Variants in C19orf67 observed in about 807,000 individuals in gnomAD.
C19orf67 encodes UPF0575 protein C19orf67.
Under a neutral mutation model 41.4 loss-of-function variants are expected in C19orf67, and 28 were observed. That is an observed-to-expected ratio of 0.68 (90% CI 0.50 to 0.93). C19orf67 has a LOEUF of 0.93. Ranked by LOEUF, C19orf67 falls within the 40% of genes least tolerant of loss-of-function variation. The pLI, the probability that C19orf67 is intolerant of heterozygous loss-of-function variation, is 0.00. For missense variants in C19orf67, 421 were observed against 467.0 expected, an observed-to-expected ratio of 0.90 and a Z score of 0.91; for synonymous variants, 242 against 203.4, an observed-to-expected ratio of 1.19 and a Z score of -1.62.
At position 14,085,276 on chromosome 19, in the gene C19orf67, A is replaced by AC. The variant is rs944548882; in HGVS notation, c.335+16dup. 7.8e-5 allele frequency: 119 copies of AC among 1,534,386 alleles called. 1 individual carries two copies. In the African/African-American group the frequency reaches 1.3e-3, roughly 17 times the overall value. On this transcript the variant is annotated intron_variant, in intron 1 of 5. Coordinates refer to ENST00000548523, the MANE Select transcript of C19orf67 (RefSeq NM_001277378.2). ...GTCTCCTTACCCATGGGGACCTGGG[A>AC]CCCTGTCCAGCATCACCTGTAGAGC...
Position 14,085,511 on chromosome 19 carries a change from G to A in C19orf67, c.117C>T (p.Pro39=). The A allele has an allele frequency of 6.5e-7, 1 of 1,535,416 alleles. No homozygotes were observed. Among genetic ancestry groups the A allele is most frequent in the Non-Finnish European group, 8.7e-7 (1 of 1,146,732 alleles). The change falls in exon 1 of 6, where the codon CCC becomes CCT. Residue 39 remains proline (P), a synonymous_variant. Transcript: ENST00000548523. ...PPCGDPSRST[P]PGRPGNPSEP... Reference sequence around the variant, plus strand: ...CAGATGGGTTCCCAGGCCTGCCAGGGGGCGTCGACCTGGAGGGGTCTCCGC... The same window carrying A: ...CAGATGGGTTCCCAGGCCTGCCAGGAGGCGTCGACCTGGAGGGGTCTCCGC...
intron 5 of C19orf67, 126 bp from the exon 6 acceptor site, chr19:14,082,134 C>A: frequency 1.2e-6 from 1 of 846,652 alleles, no homozygotes; most frequent in Non-Finnish European, 1.8e-6. Context: ...TGGGAAAAAC[C>A]CCCGGGGGAA....
chr19:14,084,581 C>T (rs541984200), intron 1 of C19orf67, among the ~76,000 whole-genome samples: 4 of 151,524 alleles, frequency 2.6e-5, no homozygotes, highest in Non-Finnish European at 4.4e-5. Context: ...GTCTGTAATT[C>T]CAGCACTTTG....
Position 14,085,720 on chromosome 19 carries a change from T to TGGCC in C19orf67, c.-97_-94dup, listed in dbSNP as rs976391445. On this transcript the variant is annotated 5_prime_UTR_variant, in exon 1 of 6. Transcript: ENST00000548523. ...CGACCCCGCCCCGGGAGCCTCCGAC[T>TGGCC]GGCCCCTGCCTTGACCTCTCCACCG... 1 of 931,976 alleles carries TGGCC rather than the reference T, an allele frequency of 1.1e-6. No homozygotes were observed. The highest frequency in any genetic ancestry group is 1.6e-5 in the African/African-American group (1 of 60,618). The allele number at this position is 931,976 out of a possible 1,614,324, so 57.7% of individuals were successfully genotyped here. A position where few individuals can be genotyped will look rare whatever the true frequency, so the allele number is the denominator to read the frequency against.
Position 14,085,341 on chromosome 19 carries a change from C to T in C19orf67, c.287G>A (p.Arg96His). Residue 96 changes from arginine to histidine, a missense_variant, in exon 1 of 6, where the codon CGC becomes CAC. Physicochemically the swap from Arg to His is conservative, Grantham distance 29. Around this residue, in one of 3 missense-constraint regions of C19orf67, gnomAD observed 160 missense variants for 139.2 expected, o/e 1.15. Transcript: ENST00000548523. ...ATCATCTGCCTTCTTCAGTAGGTAGCGCAGCTGTTGGGTGATGGGGCTGAA... is the reference window on the plus strand; with the variant it reads ...ATCATCTGCCTTCTTCAGTAGGTAGTGCAGCTGTTGGGTGATGGGGCTGAA... ...TLFSPITQQL[R>H]YLLKKADDFQ... 5 of 1,536,224 alleles carry T rather than the reference C, an allele frequency of 3.3e-6. No individual in the cohort carries two copies. Among genetic ancestry groups the T allele is most frequent in the Non-Finnish European group, 3.5e-6 (4 of 1,146,928 alleles).
chr19:14,084,699 ATGT>A (rs1246843199), intron 1 of C19orf67, among the ~76,000 whole-genome samples: 2 of 151,298 alleles, frequency 1.3e-5, no homozygotes, highest in Admixed American at 6.6e-5. Flanking sequence ...CGGGCAACAC[ATGT>A]TGGTGGGCGC....
chr19:14,082,198 C>T (rs1599321191), intron 5 of C19orf67, among the ~76,000 whole-genome samples, 190 bp from the exon 6 acceptor site: 3 of 152,204 alleles, frequency 2.0e-5, no homozygotes, highest in Admixed American at 2.0e-4. Context: ...GGCTGAATAA[C>T]TGGTCCTGAC....
chr19:14,083,621 G>T lies in C19orf67; in HGVS notation c.481-16C>A. On this transcript the variant is annotated splice_polypyrimidine_tract_variant and intron_variant, in intron 2 of 5. Transcript: ENST00000548523. ...TCTCTAACAGCTGCATACAAGAGGG[G>T]GGTACAGTGAGATCAGCTGGCCTGC... 2 of 1,534,986 alleles carry T rather than the reference G, an allele frequency of 1.3e-6. No homozygotes were observed. Among genetic ancestry groups the T allele is most frequent in the Non-Finnish European group, 1.7e-6 (2 of 1,146,022 alleles).
chr19:14,081,782 T>A lies in C19orf67; in HGVS notation c.*52A>T. On this transcript the variant is annotated 3_prime_UTR_variant, in exon 6 of 6. Transcript: ENST00000548523. The stretch of plus-strand genomic sequence containing the variant: ...ACGAGTGAGCCCCTCCCCTGCCCCC[T>A]ATTCTGGAGTTTGGAACTGTCAAGT... The A allele has an allele frequency of 1.5e-6, 2 of 1,303,886 alleles. No individual in the cohort carries two copies. Among genetic ancestry groups the A allele is most frequent in the Non-Finnish European group, 2.0e-6 (2 of 976,934 alleles). The allele number at this position is 1,303,886 out of a possible 1,614,324, so 80.8% of individuals were successfully genotyped here. A position where few individuals can be genotyped will look rare whatever the true frequency, so the allele number is the denominator to read the frequency against.
chr19:14,083,825 G>C lies in C19orf67; in HGVS notation c.388C>G (p.Gln130Glu), dbSNP rs1976810674. ...QLAKAMPTFLQMCEPYFLYLE... is the reference protein window; with the variant it reads ...QLAKAMPTFLEMCEPYFLYLE... ...TACAGGAAGTAGGGCTCACACATCT[G>C]TAAGAAGGTGGGCATGGCCTTGGCC... Residue 130 changes from glutamine to glutamate, a missense_variant, in exon 2 of 6, where the codon CAG becomes GAG. Around this residue, in one of 3 missense-constraint regions of C19orf67, gnomAD observed 253 missense variants for 307.0 expected, o/e 0.82. Coordinates refer to ENST00000548523, the MANE Select transcript of C19orf67 (RefSeq NM_001277378.2). 1 of 1,404,696 alleles carries C rather than the reference G, an allele frequency of 7.1e-7. No homozygotes were observed. Among genetic ancestry groups the C allele is most frequent in the Middle Eastern group, 1.9e-4 (1 of 5,394 alleles). 87.0% of individuals were successfully genotyped at this position (1,404,696 alleles called of 1,614,324 possible).
Position 14,081,743 on chromosome 19 carries a change from G to C in C19orf67, c.*91C>G. ...CTGGCCCTTTGGAAGGCGAGGCCGG[G>C]CTGCACTGCGAGAACGAGTGAGCCC... On this transcript the variant is annotated 3_prime_UTR_variant, in exon 6 of 6. Coordinates refer to ENST00000548523, the MANE Select transcript of C19orf67 (RefSeq NM_001277378.2). 8.6e-7 allele frequency: 1 copy of C among 1,167,816 alleles called. No individual in the cohort carries two copies. The highest frequency in any genetic ancestry group is 3.0e-5 in the East Asian group (1 of 33,800). 72.3% of individuals were successfully genotyped at this position (1,167,816 alleles called of 1,614,324 possible).
chr19:14,082,338 C>T (rs937511399), intron 5 of C19orf67, 131 bp downstream of exon 5: 18 of 1,079,908 alleles, frequency 1.7e-5, no homozygotes, highest in Non-Finnish European at 2.2e-5. Flanking sequence ...GCATGAAGTG[C>T]TTTTCAGGGC....
chr19:14,085,481 C>A lies in C19orf67; in HGVS notation c.147G>T (p.Pro49=). ...PPGRPGNPSE[P]DPEDAEGRLA... ...GCCGCCCCTCGGCATCTTCAGGATCCGGCTCAGATGGGTTCCCAGGCCTGC... is the reference window on the plus strand; with the variant it reads ...GCCGCCCCTCGGCATCTTCAGGATCAGGCTCAGATGGGTTCCCAGGCCTGC... The change falls in exon 1 of 6, where the codon CCG becomes CCT. Residue 49 remains proline (P), a synonymous_variant. Coordinates refer to ENST00000548523, the MANE Select transcript of C19orf67 (RefSeq NM_001277378.2). 6.5e-7 allele frequency: 1 copy of A among 1,535,420 alleles called. No homozygotes were observed. Among genetic ancestry groups the A allele is most frequent in the Non-Finnish European group, 8.7e-7 (1 of 1,146,740 alleles).
chr19:14,083,665 T>G (rs1439073249), intron 2 of C19orf67, 60 bp from the exon 3 acceptor site: 1 of 1,523,096 alleles, frequency 6.6e-7, no homozygotes, highest in Admixed American at 2.0e-5. Flanking sequence ...GGCCTCCCCC[T>G]CCACCATCCC....
rs1225225354 is a variant in C19orf67, at chr19:14,085,350, T to C, written c.278A>G (p.Gln93Arg). Residue 93 changes from glutamine (Q) to arginine (R), a missense_variant, in exon 1 of 6, where the codon CAA becomes CGA. Gln to Arg is a conservative substitution (Grantham distance 43). Around this residue, in one of 3 missense-constraint regions of C19orf67, gnomAD observed 160 missense variants for 139.2 expected, o/e 1.15. Coordinates refer to ENST00000548523, the MANE Select transcript of C19orf67 (RefSeq NM_001277378.2). ...SLDTLFSPIT[Q>R]QLRYLLKKAD... ...CTTCTTCAGTAGGTAGCGCAGCTGTTGGGTGATGGGGCTGAACAAAGTGTC... is the reference window on the plus strand; with the variant it reads ...CTTCTTCAGTAGGTAGCGCAGCTGTCGGGTGATGGGGCTGAACAAAGTGTC... 1 of 1,536,174 alleles carries C rather than the reference T, an allele frequency of 6.5e-7. No individual in the cohort carries two copies. The highest frequency in any genetic ancestry group is 2.0e-5 in the Admixed American group (1 of 51,010).
chr19:14,085,779 CT>C lies in C19orf67; in HGVS notation c.-153del. 1 of 625,012 alleles carries C rather than the reference CT, an allele frequency of 1.6e-6. No homozygotes were observed. The highest frequency in any genetic ancestry group is 2.8e-5 in the East Asian group (1 of 36,068). The allele number at this position is 625,012 out of a possible 1,614,324, so 38.7% of individuals were successfully genotyped here. On this transcript the variant is annotated 5_prime_UTR_variant, in exon 1 of 6. Coordinates refer to ENST00000548523, the MANE Select transcript of C19orf67 (RefSeq NM_001277378.2). ...CCGCCGCGCCGGGGGCCGTTCGCCTCTTTTGAATTTCAACACGCGGGAGGGG... is the reference window on the plus strand; with the variant it reads ...CCGCCGCGCCGGGGGCCGTTCGCCTCTTTGAATTTCAACACGCGGGAGGGG...
At position 14,082,445 on chromosome 19, in the gene C19orf67, C is replaced by A. The variant is rs1007170022; in HGVS notation, c.902+24G>T. The A allele has an allele frequency of 4.6e-6, 7 of 1,510,950 alleles. No individual in the cohort carries two copies. In the African/African-American group the frequency reaches 5.5e-5, roughly 12 times the overall value. The allele number at this position is 1,510,950 out of a possible 1,614,324, so 93.6% of individuals were successfully genotyped here. On this transcript the variant is annotated intron_variant, in intron 5 of 5. Transcript: ENST00000548523. Reference sequence around the variant, plus strand: ...CCTCCCCCTCCAGCTCCCAGGCCCACGTTGCTATTGCCCTAGCTCCTACCA... The same window carrying A: ...CCTCCCCCTCCAGCTCCCAGGCCCAAGTTGCTATTGCCCTAGCTCCTACCA...
chr19:14,085,681 G>A lies in C19orf67; in HGVS notation c.-54C>T, dbSNP rs1976847822. ...TCTTTAAGCTTCCGCTGCTGCTCAG[G>A]TTGGCCGCGGGTTCGACCCCGCCCC... is the stretch of plus-strand genomic sequence containing the variant. On this transcript the variant is annotated 5_prime_UTR_variant, in exon 1 of 6. Transcript: ENST00000548523. 7.3e-7 allele frequency: 1 copy of A among 1,374,854 alleles called. No homozygotes were observed. The highest frequency in any genetic ancestry group is 1.4e-5 in the African/African-American group (1 of 69,752). 85.2% of individuals were successfully genotyped at this position (1,374,854 alleles called of 1,614,324 possible).
intron 1 of C19orf67, among the ~76,000 whole-genome samples, chr19:14,084,920 G>C (rs1055574096): frequency 6.6e-6 from 1 of 152,214 alleles, no homozygotes; most frequent in African/African-American, 2.4e-5. Flanking sequence ...AGGGAAACCT[G>C]GTCTGGGAAT....
Sources: gnomAD v4.1 joint callset for allele counts (sites outside exome capture counted in the v4.1 genomes callset) on GRCh38, gnomAD v4.1.1 for gene constraint, gnomAD v4.1.1 regional missense constraint, MANE v1.5 for transcripts, NCBI Gene and HGNC (gene_info 2026-07-23, HGNC 2026-07-21) for gene names.